PHYHIP: variants seen among roughly 807,000 people sequenced by gnomAD.
The protein encoded by PHYHIP is phytanoyl-CoA hydroxylase-interacting protein.
Under a neutral mutation model 26.1 loss-of-function variants are expected in PHYHIP, and 7 were observed. The ratio of observed to expected loss-of-function variants is 0.27; its 90% CI spans 0.15 to 0.50. The LOEUF (loss-of-function observed/expected upper bound fraction) is 0.50. Ranked by LOEUF, PHYHIP falls within the 20% of genes least tolerant of loss-of-function variation. The pLI is 0.98. For missense variants in PHYHIP, 232 were observed against 454.7 expected, an observed-to-expected ratio of 0.51 and a Z score of 4.45; for synonymous variants, 206 against 183.4, an observed-to-expected ratio of 1.12 and a Z score of -1.00.
In PHYHIP at chr8:22,228,182, C is replaced by G. The variant is rs776019625; in HGVS notation, c.165+11G>C. On this transcript the variant is annotated intron_variant, in intron 2 of 4. Coordinates refer to ENST00000454243, the MANE Select transcript of PHYHIP (RefSeq NM_014759.5). The stretch of plus-strand genomic sequence containing the variant: ...AGCTGGGGAGGGGCTCCCAGGACAC[C>G]TTCTACTCACCCGGTGCTTGAACTT... 2.5e-6 allele frequency: 4 copies of G among 1,613,276 alleles called. No individual in the cohort carries two copies. The highest frequency in any genetic ancestry group is 3.4e-6 in the Non-Finnish European group (4 of 1,179,292).
chr8:22,227,974 T>C (rs930868831), intron 2 of PHYHIP, among the ~76,000 whole-genome samples: 1 of 152,220 alleles, frequency 6.6e-6, no homozygotes, highest in African/African-American at 2.4e-5. Flanking sequence ...CACTGCATCC[T>C]CTCCACGACC....
At chr8:22,230,075 G>A (rs955095375) in intron 1 of PHYHIP, among the ~76,000 whole-genome samples, 1 of 152,200 alleles carries the variant, frequency 6.6e-6, no homozygotes, top group Non-Finnish European at 1.5e-5. Context: ...ATGGGATTGA[G>A]TGTCTGGAAA....
chr8:22,228,199 C>T lies in PHYHIP; in HGVS notation c.159G>A (p.Lys53=). Residue 53 remains lysine (K), a synonymous_variant, in exon 2 of 5, where the codon AAG becomes AAA. Transcript: ENST00000454243. ...CAGGACACCTTCTACTCACCCGGTG[C>T]TTGAACTTGTTGGAATTCTTATTCT... ...KKENKNSNKF[K]HRDVPTKLVA... The T allele has an allele frequency of 8.1e-6, 13 of 1,614,016 alleles. No homozygotes were observed. Among genetic ancestry groups the T allele is most frequent in the Non-Finnish European group, 1.1e-5 (13 of 1,179,900 alleles).
At chr8:22,228,742 G>A (rs979558543) in intron 1 of PHYHIP, 2 of 167,070 alleles carry the variant, frequency 1.2e-5, no homozygotes, top group Non-Finnish European at 1.3e-5. Context: ...AGAAAGGGGT[G>A]GGGGTGGAGA....
chr8:22,227,746 C>T (rs1829779697), intron 2 of PHYHIP: 1 of 457,628 alleles, frequency 2.2e-6, no homozygotes, highest in Admixed American at 2.3e-5. Context: ...AGCAAAAGGG[C>T]TCCGCCCCGA....
chr8:22,225,185 C>G lies in PHYHIP; in HGVS notation c.341-842G>C, dbSNP rs185044440. Reference sequence around the variant, plus strand: ...GCCTCCAGAGAGTGGGGTTCTGCAGCAGAGCTAAGAAAAAACACCACTCAA... The same window carrying G: ...GCCTCCAGAGAGTGGGGTTCTGCAGGAGAGCTAAGAAAAAACACCACTCAA... On this transcript the variant is annotated intron_variant, in intron 3 of 4. Transcript: ENST00000454243. 4.4e-3 allele frequency among the ~76,000 whole-genome samples: 664 copies of G among 152,196 alleles called. 25 individuals are homozygous for G. The highest frequency in any genetic ancestry group is 0.038 in the Admixed American group (586 of 15,288).
intron 4 of PHYHIP, among the ~76,000 whole-genome samples, chr8:22,222,218 C>T (rs1196561951): frequency 6.6e-6 from 1 of 152,098 alleles, no homozygotes; most frequent in Non-Finnish European, 1.5e-5. Context: ...CACCTCCTGC[C>T]ACCCCATCCA....
At chr8:22,222,013 C>T (rs376899884) in intron 4 of PHYHIP, 126 bp from the exon 5 acceptor site, 20 of 743,594 alleles carry the variant, frequency 2.7e-5, no homozygotes, top group East Asian at 8.1e-5. Context: ...CTCCCCCAGC[C>T]GCCTCCACTA....
chr8:22,222,406 C>T (rs1216275921), intron 4 of PHYHIP, among the ~76,000 whole-genome samples: 1 of 152,206 alleles, frequency 6.6e-6, no homozygotes, highest in Admixed American at 6.5e-5. Flanking sequence ...GAACAGCAGA[C>T]ACCTGCACTT....
In PHYHIP at chr8:22,221,904, G is replaced by A. The variant is rs1195353450; in HGVS notation, c.459-17C>T. On this transcript the variant is annotated splice_polypyrimidine_tract_variant and intron_variant, in intron 4 of 4. Coordinates refer to ENST00000454243, the MANE Select transcript of PHYHIP (RefSeq NM_014759.5). This position sits in a 1 kb window ranked among gnomAD's most constrained non-coding sequence, Gnocchi z 7.9. ...CAGTGGGTCCTGCCCACCCCAGGGA[G>A]ACACACCAAAGGGAAGAGAAGATGT... The A allele has an allele frequency of 6.0e-6, 9 of 1,489,094 alleles. No individual in the cohort carries two copies. The highest frequency in any genetic ancestry group is 8.1e-6 in the Non-Finnish European group (9 of 1,117,344). The allele number at this position is 1,489,094 out of a possible 1,614,324, so 92.2% of individuals were successfully genotyped here.
In PHYHIP at chr8:22,226,885, G is replaced by A. The variant is rs373510873; in HGVS notation, c.306C>T (p.Ser102=). The A allele has an allele frequency of 1.9e-4, 308 of 1,613,932 alleles. No homozygotes were observed. The highest frequency in any genetic ancestry group is 2.1e-4 in the Non-Finnish European group (251 of 1,179,924). The change falls in exon 3 of 5, where the codon TCC becomes TCT. Residue 102 remains serine (S), a synonymous_variant. Coordinates refer to ENST00000454243, the MANE Select transcript of PHYHIP (RefSeq NM_014759.5). The part of the protein sequence containing the change: ...VKQSDGEYLV[S]GWSETVEFCT... ...AGAACTCCACCGTCTCGCTCCAGCC[G>A]GACACCAGGTACTCCCCATCGCTCT...
intron 4 of PHYHIP, chr8:22,223,850 C>CGCCGT: frequency 3.9e-5 from 7 of 181,806 alleles, no homozygotes; most frequent in Non-Finnish European, 5.7e-5. Flanking sequence ...CCTTTGTGAT[C>CGCCGT]AGAACACTCA....
intron 2 of PHYHIP, chr8:22,227,538 C>G (rs1251780428): frequency 2.2e-6 from 1 of 450,072 alleles, no homozygotes; most frequent in African/African-American, 2.0e-5. Flanking sequence ...TGCCGTCGGC[C>G]TGGGAGCCAG....
chr8:22,225,781 G>A (rs1829732210), intron 3 of PHYHIP, among the ~76,000 whole-genome samples: 1 of 149,654 alleles, frequency 6.7e-6, no homozygotes, highest in Non-Finnish European at 1.5e-5. Flanking sequence ...CTCCAGCCAG[G>A]AGGCGACAAG....
intron 1 of PHYHIP, among the ~76,000 whole-genome samples, chr8:22,229,339 C>T (rs1286862793): frequency 6.6e-6 from 1 of 152,146 alleles, no homozygotes; most frequent in East Asian, 1.9e-4. Flanking sequence ...CATGGGTGCC[C>T]ATGGTGTTTC....
rs752742189 is a variant in PHYHIP at position 22,228,296 on chromosome 8, C to A, written c.62G>T (p.Arg21Leu). Residue 21 changes from arginine (R) to leucine (L), a missense_variant, in exon 2 of 5, where the codon CGC becomes CTC. Physicochemically the swap from Arg to Leu is moderately radical, Grantham distance 102. Transcript: ENST00000454243. Reference sequence around the variant, plus strand: ...ACTGTCCTCCATGGCCCAGGAGATGCGGAAGGAGTCGCAGGTGATGTTGTT... The same window carrying A: ...ACTGTCCTCCATGGCCCAGGAGATGAGGAAGGAGTCGCAGGTGATGTTGTT... ...EINNITCDSF[R>L]ISWAMEDSDL... 6.2e-7 allele frequency: 1 copy of A among 1,611,628 alleles called. No individual in the cohort carries two copies. The highest frequency in any genetic ancestry group is 1.3e-5 in the African/African-American group (1 of 74,874).
intron 4 of PHYHIP, among the ~76,000 whole-genome samples, chr8:22,222,496 C>T (rs1829650706): frequency 6.6e-6 from 1 of 152,152 alleles, no homozygotes; most frequent in Non-Finnish European, 1.5e-5. Context: ...GAACTCCTGG[C>T]CTCAAGTGAT....
At chr8:22,226,279 A>G (rs890585661) in intron 3 of PHYHIP, among the ~76,000 whole-genome samples, 4 of 152,244 alleles carry the variant, frequency 2.6e-5, no homozygotes, top group African/African-American at 9.6e-5. Context: ...AAATTTTGGT[A>G]TATTCCAGTC....
chr8:22,223,704 G>A (rs749320435), intron 4 of PHYHIP: 20 of 152,828 alleles, frequency 1.3e-4, no homozygotes, highest in Non-Finnish European at 2.9e-4. Flanking sequence ...TCTGACTGGA[G>A]GTCAGGTGTG....
Sources: allele counts gnomAD v4.1 joint callset (sites outside exome capture counted in the v4.1 genomes callset), GRCh38; gene constraint gnomAD v4.1.1; non-coding constraint Gnocchi (gnomAD v3.1); transcripts MANE v1.5; gene names NCBI Gene and HGNC (gene_info 2026-07-23, HGNC 2026-07-21).